The following RPS6KA5 variants were observed in gnomAD, a reference collection of about 807,000 sequenced individuals.
RPS6KA5 encodes ribosomal protein S6 kinase alpha-5.
A neutral mutation model predicts 85.5 loss-of-function variants in RPS6KA5; 27 were observed. The ratio of observed to expected loss-of-function variants is 0.32; its 90% confidence interval spans 0.23 to 0.44. The LOEUF is 0.44. Ranked by LOEUF, RPS6KA5 falls within the 20% of genes least tolerant of loss-of-function variation. RPS6KA5 has a pLI of 1.00. For synonymous variants in RPS6KA5, 334 were observed against 348.2 expected (o/e 0.96, Z 0.46); for missense variants, 811 against 980.9 (o/e 0.83, Z 2.31).
chr14:90,878,448 G>A (rs1461611334), intron 14 of RPS6KA5, among the ~76,000 whole-genome samples: 4 of 152,092 alleles, frequency 2.6e-5, no homozygotes. Flanking sequence ...CCTGACTCTT[G>A]CTATTGAATA....
chr14:90,931,877 T>C (rs1211693442), intron 5 of RPS6KA5, among the ~76,000 whole-genome samples: 1 of 152,194 alleles, frequency 6.6e-6, no homozygotes, highest in Non-Finnish European at 1.5e-5. Flanking sequence ...ATTTATCAGC[T>C]TGGATAAATT....
At chr14:90,987,793 AAT>A (rs1409009670) in intron 2 of RPS6KA5, among the ~76,000 whole-genome samples, 1 of 152,212 alleles carries the variant, frequency 6.6e-6, no homozygotes, top group Non-Finnish European at 1.5e-5. Context: ...GGTAGACACA[AAT>A]GGTTACTGCT....
In RPS6KA5 at chr14:90,980,239, T is replaced by C. The variant is rs77378228; in HGVS notation, c.176-1715A>G. Among the ~76,000 whole-genome samples the C allele has an allele frequency of 2.0e-5, 3 of 152,212 alleles. No individual in the cohort carries two copies. The East Asian group carries it at 5.8e-4, about 29-fold the overall frequency. The stretch of plus-strand genomic sequence containing the variant: ...CCTTCCAACAGGGAAAGCCACTATA[T>C]AAACTCAGGAGAAGGTAAAGTCTTC... On this transcript the variant is annotated intron_variant, in intron 2 of 16. Transcript: ENST00000614987.
intron 3 of RPS6KA5, among the ~76,000 whole-genome samples, chr14:90,974,793 C>T (rs1393029117): frequency 6.6e-6 from 1 of 152,192 alleles, no homozygotes; most frequent in Non-Finnish European, 1.5e-5. Flanking sequence ...TGAGCCCAGG[C>T]TAACCATTAG....
chr14:91,006,017 G>C (rs2041004448), intron 1 of RPS6KA5, among the ~76,000 whole-genome samples: 1 of 152,198 alleles, frequency 6.6e-6, no homozygotes, highest in African/African-American at 2.4e-5. Flanking sequence ...CTCAAAAGGA[G>C]ATGGTACTTT....
rs543397831 is a variant in RPS6KA5 at position 90,999,817 on chromosome 14, T to C, written c.175+1271A>G. On this transcript the variant is annotated intron_variant, in intron 2 of 16. Coordinates refer to ENST00000614987, the MANE Select transcript of RPS6KA5 (RefSeq NM_004755.4). ...ACAACTGCATAGGTCACATCCCCCT[T>C]AAGTCAGCCCTGATTTCTGAGCAGC... 4.6e-5 allele frequency among the ~76,000 whole-genome samples: 7 copies of C among 152,300 alleles called. No individual in the cohort carries two copies. The South Asian group carries it at 1.0e-3, about 23-fold the overall frequency.
intron 7 of RPS6KA5, among the ~76,000 whole-genome samples, chr14:90,916,638 G>C (rs2036130535): frequency 6.6e-6 from 1 of 151,380 alleles, no homozygotes; most frequent in South Asian, 2.1e-4. Flanking sequence ...GGAAAATGTA[G>C]TGTAGGATAA....
At chr14:91,002,758 T>C (rs926378075) in intron 1 of RPS6KA5, among the ~76,000 whole-genome samples, 3 of 152,184 alleles carry the variant, frequency 2.0e-5, no homozygotes, top group African/African-American at 4.8e-5. Flanking sequence ...CTTTAGAACC[T>C]TTTCATCCTG....
intron 8 of RPS6KA5, 25 bp downstream of exon 8, chr14:90,906,124 C>G: frequency 6.4e-7 from 1 of 1,569,896 alleles, no homozygotes; most frequent in Non-Finnish European, 8.7e-7. Flanking sequence ...GAGTATGAAA[C>G]CATTTATCTA....
chr14:90,916,825 T>C (rs772922870), intron 7 of RPS6KA5, among the ~76,000 whole-genome samples: 11 of 152,232 alleles, frequency 7.2e-5, no homozygotes, highest in Non-Finnish European at 1.5e-4. Flanking sequence ...AACAATCTGA[T>C]TCAGGCTCTC....
rs1409034173 is a variant in RPS6KA5 at position 90,943,121 on chromosome 14, A to C, written c.575T>G (p.Val192Gly). ...CTTACTCAGACCAAAATCTGTCAGCACCACATGGCCATTAGAATCAAGTAG... is the reference window on the plus strand; with the variant it reads ...CTTACTCAGACCAAAATCTGTCAGCCCCACATGGCCATTAGAATCAAGTAG... ...NILLDSNGHV[V>G]LTDFGLSKEF... Residue 192 changes from valine (V) to glycine (G), a missense_variant, in exon 5 of 17, where the codon GTG becomes GGG. Val to Gly is a moderately radical substitution (Grantham distance 109). Around this residue, in one of 3 missense-constraint regions of RPS6KA5, gnomAD observed 650 missense variants for 793.4 expected, o/e 0.82. Coordinates refer to ENST00000614987, the MANE Select transcript of RPS6KA5 (RefSeq NM_004755.4). 6.2e-7 allele frequency: 1 copy of C among 1,613,138 alleles called. No individual in the cohort carries two copies. The highest frequency in any genetic ancestry group is 1.7e-5 in the Admixed American group (1 of 60,014).
intron 3 of RPS6KA5, among the ~76,000 whole-genome samples, chr14:90,953,105 G>T (rs755146547): frequency 1.4e-4 from 21 of 152,208 alleles, no homozygotes; most frequent in Non-Finnish European, 2.9e-4. Context: ...GAGAGATGTT[G>T]CGAGAAATCA....
At chr14:90,937,544 T>A (rs1595267741) in intron 5 of RPS6KA5, among the ~76,000 whole-genome samples, 1 of 151,748 alleles carries the variant, frequency 6.6e-6, no homozygotes, top group East Asian at 1.9e-4. Flanking sequence ...GCAGGCAGAG[T>A]GTATCAGTCC....
intron 3 of RPS6KA5, among the ~76,000 whole-genome samples, chr14:90,956,008 A>G (rs1358094486): frequency 6.6e-6 from 1 of 152,238 alleles, no homozygotes; most frequent in Non-Finnish European, 1.5e-5. Context: ...ACAACCATAG[A>G]AAATAATGCA....
chr14:90,935,146 G>A (rs955238107), intron 5 of RPS6KA5, among the ~76,000 whole-genome samples: 1 of 152,154 alleles, frequency 6.6e-6, no homozygotes, highest in Non-Finnish European at 1.5e-5. Context: ...TTTAGGGTTA[G>A]GTTATCTGAT....
chr14:90,863,511 T>C lies in RPS6KA5; in HGVS notation c.*8563A>G, dbSNP rs1227195992. On this transcript the variant is annotated 3_prime_UTR_variant, in exon 17 of 17. Transcript: ENST00000614987. ...AAAGGCAGAAATGAAACTGTCATTA[T>C]TTACAGACGATATAACTGTAGACTT... 1 of 151,636 alleles carries C rather than the reference T, an allele frequency of 6.6e-6. No individual in the cohort carries two copies. Among genetic ancestry groups the C allele is most frequent in the African/African-American group, 2.4e-5 (1 of 41,378 alleles). 9.4% of individuals were successfully genotyped at this position (151,636 alleles called of 1,614,324 possible). A position where few individuals can be genotyped will look rare whatever the true frequency, so the allele number is the denominator to read the frequency against.
intron 7 of RPS6KA5, among the ~76,000 whole-genome samples, chr14:90,916,438 C>A (rs1404654823): frequency 6.6e-6 from 1 of 152,010 alleles, no homozygotes; most frequent in Non-Finnish European, 1.5e-5. Flanking sequence ...TACTTTGAAC[C>A]ATTTCAAACA....
At chr14:90,999,866 A>C (rs1273198497) in intron 2 of RPS6KA5, among the ~76,000 whole-genome samples, 1 of 152,164 alleles carries the variant, frequency 6.6e-6, no homozygotes, top group Non-Finnish European at 1.5e-5. Flanking sequence ...GCAAAAATTC[A>C]GAAGGCAAAG....
At chr14:91,030,209 T>C (rs1412143954) in intron 1 of RPS6KA5, among the ~76,000 whole-genome samples, 2 of 152,170 alleles carry the variant, frequency 1.3e-5, no homozygotes, top group East Asian at 1.9e-4. Flanking sequence ...AGGAGTTTTA[T>C]TCCCCAAGTC....
Sources: gnomAD v4.1 joint callset for allele counts (sites outside exome capture counted in the v4.1 genomes callset) on GRCh38, gnomAD v4.1.1 for gene constraint, gnomAD v4.1.1 regional missense constraint, MANE v1.5 for transcripts, NCBI Gene and HGNC (gene_info 2026-07-23, HGNC 2026-07-21) for gene names.